The following FCRL2 variants were observed in gnomAD, a reference collection of about 807,000 sequenced individuals.
FCRL2 encodes Fc receptor-like protein 2.
A neutral mutation model predicts 59.8 loss-of-function variants in FCRL2; 48 were observed. The observed-to-expected ratio is 0.80, with a 90% confidence interval of 0.64 to 1.02. The LOEUF is 1.02. Ranked by LOEUF, FCRL2 falls within the 50% of genes least tolerant of loss-of-function variation. The pLI is 0.00. For synonymous variants in FCRL2, 251 were observed against 229.5 expected (o/e 1.09, Z -0.85); for missense variants, 658 against 597.3 (o/e 1.10, Z -1.06).
Position 157,748,866 on chromosome 1 carries a change from G to T in FCRL2, c.1393+9C>A. ...CAGCCTCAGAGCCCTTCCCAGTGGAGACACTCACCATTGACATACACTGGC... is the reference window on the plus strand; with the variant it reads ...CAGCCTCAGAGCCCTTCCCAGTGGATACACTCACCATTGACATACACTGGC... On this transcript the variant is annotated intron_variant, in intron 9 of 11. Coordinates refer to ENST00000361516, the MANE Select transcript of FCRL2 (RefSeq NM_030764.4). 2 of 1,612,160 alleles carry T rather than the reference G, an allele frequency of 1.2e-6. No individual in the cohort carries two copies. Among genetic ancestry groups the T allele is most frequent in the Non-Finnish European group, 1.7e-6 (2 of 1,178,720 alleles).
Position 157,770,642 on chromosome 1 carries a change from G to A in FCRL2, c.77C>T (p.Ser26Phe), listed in dbSNP as rs1312452990. The change falls in exon 3 of 12, where the codon TCT (serine) becomes TTT (phenylalanine). Residue 26 changes from serine (S) to phenylalanine (F), a missense_variant. Physicochemically the swap from Ser to Phe is radical, Grantham distance 155. Transcript: ENST00000361516. ...GATGCTGTCTCCTTCGAAGACAGAA[G>A]AGGGCGCCACAAGGGTCAGCGAATC... is the stretch of plus-strand genomic sequence containing the variant. The part of the protein sequence containing the change: ...QADSLTLVAP[S>F]SVFEGDSIVL... 3.7e-6 allele frequency: 6 copies of A among 1,614,072 alleles called. No homozygotes were observed. Among genetic ancestry groups the A allele is most frequent in the Non-Finnish European group, 5.1e-6 (6 of 1,180,036 alleles).
chr1:157,767,486 T>A lies in FCRL2; in HGVS notation c.907A>T (p.Thr303Ser), dbSNP rs1557865638. ...VRIPVSRPVL[T>S]LRSPGAQAAV... is the part of the protein sequence containing the mutation. Reference sequence around the variant, plus strand: ...GCCTGGGCCCCAGGAGACCTGAGGGTGAGGACAGGGCGAGACACTGGAACT... The same window carrying A: ...GCCTGGGCCCCAGGAGACCTGAGGGAGAGGACAGGGCGAGACACTGGAACT... Residue 303 changes from threonine (T) to serine (S), a missense_variant, in exon 6 of 12, where the codon ACC becomes TCC. Transcript: ENST00000361516. 6.2e-7 allele frequency: 1 copy of A among 1,614,056 alleles called. No homozygotes were observed. The highest frequency in any genetic ancestry group is 1.7e-5 in the Admixed American group (1 of 60,012).
In FCRL2 at chr1:157,766,486, T is replaced by A. The variant is rs187843395; in HGVS notation, c.1279+369A>T. On this transcript the variant is annotated intron_variant, in intron 7 of 11. Coordinates refer to ENST00000361516, the MANE Select transcript of FCRL2 (RefSeq NM_030764.4). The stretch of plus-strand genomic sequence containing the variant: ...ACTCTGTCTCAAAAAAAAAAAAATT[T>A]TTTTTGTGTTCCTTTAAATCTAGCT... The A allele has an allele frequency of 0.011, 2,287 of 210,588 alleles. 119 individuals carry two copies. In the East Asian group the frequency reaches 0.12, roughly 11 times the overall value. 13.0% of individuals were successfully genotyped at this position (210,588 alleles called of 1,614,324 possible). A position where few individuals can be genotyped will look rare whatever the true frequency, so the allele number is the denominator to read the frequency against.
intron 1 of FCRL2, among the ~76,000 whole-genome samples, chr1:157,776,344 A>G (rs908045490): frequency 2.6e-5 from 4 of 152,108 alleles, no homozygotes; most frequent in Admixed American, 1.3e-4. Context: ...ATCTTGGCTC[A>G]CCACAACCTC....
intron 7 of FCRL2, among the ~76,000 whole-genome samples, chr1:157,753,249 G>A (rs1327055338): frequency 6.6e-6 from 1 of 152,150 alleles, no homozygotes; most frequent in Non-Finnish European, 1.5e-5. Flanking sequence ...CTCAGAGTTA[G>A]TGCAGACCCC....
rs1491300466 is a variant in FCRL2, at chr1:157,760,734, A to AGAAAGAAAGAAG, written c.1279+6120_1279+6121insCTTCTTTCTTTC. Among the ~76,000 whole-genome samples, 9 of 150,168 alleles carry AGAAAGAAAGAAG rather than the reference A, an allele frequency of 6.0e-5. 1 individual carries two copies. The East Asian group carries it at 1.8e-3, about 31-fold the overall frequency. ...AAGAAAGAAAGAAAGAAAGAAAGAAAGAAAGAAAGAAAGAAAGAAAGAAGA... is the reference window on the plus strand; with the variant it reads ...AAGAAAGAAAGAAAGAAAGAAAGAAAGAAAGAAAGAAGGAAAGAAAGAAAGAAAGAAAGAAGA... On this transcript the variant is annotated intron_variant, in intron 7 of 11. Transcript: ENST00000361516.
At chr1:157,765,127 G>A (rs1369407633) in intron 7 of FCRL2, among the ~76,000 whole-genome samples, 1 of 152,032 alleles carries the variant, frequency 6.6e-6, no homozygotes, top group African/African-American at 2.4e-5. Context: ...CGAAAAAGCA[G>A]ACATTGCAAC....
In FCRL2 at chr1:157,774,431, T is replaced by C. The variant is rs150572237; in HGVS notation, c.52+1344A>G. ...AAGTCCTGCTCTTTCCAGTACATCA[T>C]GCTGAACTAAGTTCTCTCTTACTCT... On this transcript the variant is annotated intron_variant, in intron 2 of 11. Transcript: ENST00000361516. The C allele has an allele frequency of 5.3e-3, 2,412 of 456,470 alleles. 44 individuals are homozygous for C. Among genetic ancestry groups the C allele is most frequent in the African/African-American group, 0.045 (2,235 of 50,188 alleles). The allele number at this position is 456,470 out of a possible 1,614,324, so 28.3% of individuals were successfully genotyped here. A position where few individuals can be genotyped will look rare whatever the true frequency, so the allele number is the denominator to read the frequency against.
rs1360497903 is a variant in FCRL2, at chr1:157,767,216, G to A, written c.1162+15C>T. On this transcript the variant is annotated intron_variant, in intron 6 of 11. Coordinates refer to ENST00000361516, the MANE Select transcript of FCRL2 (RefSeq NM_030764.4). The stretch of plus-strand genomic sequence containing the variant: ...CATTGACATCAAACTCTGTATCCAG[G>A]TAACACCCACCCACCTGAGATGGAG... The A allele has an allele frequency of 6.2e-7, 1 of 1,604,228 alleles. No homozygotes were observed. Among genetic ancestry groups the A allele is most frequent in the Admixed American group, 1.7e-5 (1 of 59,168 alleles).
Position 157,749,666 on chromosome 1 carries a change from C to A in FCRL2, c.1291G>T (p.Ala431Ser). The change falls in exon 8 of 12, where the codon GCC (alanine) becomes TCC (serine). Residue 431 changes from alanine to serine, a missense_variant. Coordinates refer to ENST00000361516, the MANE Select transcript of FCRL2 (RefSeq NM_030764.4). The stretch of plus-strand genomic sequence containing the variant: ...AGTTCTCACCTGGGTTCATTAGTGG[C>A]AGAACTTTCTCCTGAAATGCAAATA... ...LFHKISGESS[A>S]TNEPRGASRP... 1 of 1,608,012 alleles carries A rather than the reference C, an allele frequency of 6.2e-7. No homozygotes were observed. The highest frequency in any genetic ancestry group is 8.5e-7 in the Non-Finnish European group (1 of 1,176,216).
At chr1:157,759,135 G>T (rs1482326803) in intron 7 of FCRL2, among the ~76,000 whole-genome samples, 4 of 152,090 alleles carry the variant, frequency 2.6e-5, no homozygotes, top group Admixed American at 1.3e-4. Flanking sequence ...CATAAGATCT[G>T]ATGGTTTTTT....
At chr1:157,774,005 CAAAGATTT>C (rs1650221974) in intron 2 of FCRL2, among the ~76,000 whole-genome samples, 1 of 152,166 alleles carries the variant, frequency 6.6e-6, no homozygotes, top group Non-Finnish European at 1.5e-5. Flanking sequence ...AATAGGAGCA[CAAAGATTT>C]AACTCAGAGC....
chr1:157,768,047 A>G (rs1649662828), intron 5 of FCRL2: 1 of 240,622 alleles, frequency 4.2e-6, no homozygotes, highest in Non-Finnish European at 8.0e-6. Flanking sequence ...TCGGCAAGCT[A>G]GAAACACTCT....
At chr1:157,767,827 T>A in intron 5 of FCRL2, 1 of 745,166 alleles carries the variant, frequency 1.3e-6, no homozygotes, top group Non-Finnish European at 2.0e-6. Flanking sequence ...GAAATAATTT[T>A]AAGATTTCTA....
intron 7 of FCRL2, among the ~76,000 whole-genome samples, chr1:157,751,597 T>C (rs1244013267): frequency 6.6e-6 from 1 of 152,068 alleles, no homozygotes; most frequent in Non-Finnish European, 1.5e-5. Context: ...GTGGGTGCAA[T>C]GGTGTGCAAG....
In FCRL2 at chr1:157,745,970, T is replaced by C. The variant is rs1287854861; in HGVS notation, c.*766A>G. On this transcript the variant is annotated 3_prime_UTR_variant, in exon 12 of 12. Coordinates refer to ENST00000361516, the MANE Select transcript of FCRL2 (RefSeq NM_030764.4). The stretch of plus-strand genomic sequence containing the variant: ...ATGTTTACACTCAAGTCGATGCACA[T>C]AAAGAAGAAAATCTGGAGGAAACGG... The C allele has an allele frequency of 6.6e-6, 1 of 152,076 alleles. No individual in the cohort carries two copies. The highest frequency in any genetic ancestry group is 1.5e-5 in the Non-Finnish European group (1 of 68,000). 9.4% of individuals were successfully genotyped at this position (152,076 alleles called of 1,614,324 possible). A position where few individuals can be genotyped will look rare whatever the true frequency, so the allele number is the denominator to read the frequency against.
chr1:157,748,747 G>T, intron 9 of FCRL2, 128 bp downstream of exon 9: 1 of 1,173,078 alleles, frequency 8.5e-7, no homozygotes. Context: ...GAGAGAGTCT[G>T]TTATTTATTG....
At chr1:157,758,212 C>T (rs897985955) in intron 7 of FCRL2, among the ~76,000 whole-genome samples, 5 of 152,050 alleles carry the variant, frequency 3.3e-5, no homozygotes, top group African/African-American at 1.2e-4. Flanking sequence ...GGCCATTTCA[C>T]CCTTGAAAGA....
At chr1:157,746,970 C>T (rs1647796345) in intron 10 of FCRL2, 71 bp from the exon 11 acceptor site, 1 of 1,504,326 alleles carries the variant, frequency 6.6e-7, no homozygotes, top group South Asian at 1.1e-5. Flanking sequence ...ACTTTATGCC[C>T]CAGGGCATAG....
Sources: allele counts gnomAD v4.1 joint callset (sites outside exome capture counted in the v4.1 genomes callset), GRCh38; gene constraint gnomAD v4.1.1; transcripts MANE v1.5; gene names NCBI Gene and HGNC (gene_info 2026-07-23, HGNC 2026-07-21).